Variants in GABPA observed in about 807,000 individuals in gnomAD.
GABPA encodes the protein GA-binding protein alpha chain.
GABPA carries 4 observed loss-of-function variants against 59.4 expected under a neutral mutation model. The observed-to-expected ratio is 0.07, with a 90% CI of 0.03 to 0.15. The LOEUF (loss-of-function observed/expected upper bound fraction) is 0.15. GABPA is among the 10% of genes least tolerant of loss of function. The probability of loss-of-function intolerance (pLI) is 1.00; values close to 1 mark genes in which losing one functional copy is unlikely to be tolerated. For missense variants in GABPA, 251 were observed against 543.8 expected, an observed-to-expected ratio of 0.46 and a Z score of 5.36; for synonymous variants, 164 against 183.1, an observed-to-expected ratio of 0.90 and a Z score of 0.84.
chr21:25,764,874 T>A, intron 9 of GABPA, 87 bp downstream of exon 9: 1 of 855,982 alleles, frequency 1.2e-6, no homozygotes, highest in Non-Finnish European at 1.7e-6. Context: ...TAAGCATTGT[T>A]ATGTAATGAT....
intron 5 of GABPA, among the ~76,000 whole-genome samples, chr21:25,757,767 C>T (rs1282427768): frequency 2.0e-5 from 3 of 151,096 alleles, no homozygotes; most frequent in Admixed American, 6.6e-5. Context: ...TGATACAGTT[C>T]CAGCTGAGGT....
chr21:25,737,453 A>AT (rs2123481359), intron 1 of GABPA, among the ~76,000 whole-genome samples: 1 of 152,366 alleles, frequency 6.6e-6, no homozygotes, highest in African/African-American at 2.4e-5. Context: ...TTGACAGATC[A>AT]TTTAAGAAAC....
At chr21:25,764,479 A>C in intron 8 of GABPA, 116 bp from the exon 9 acceptor site, 1 of 1,440,204 alleles carries the variant, frequency 6.9e-7, no homozygotes, top group South Asian at 1.3e-5. Context: ...ATTTCTAGAA[A>C]AACAAAAATT....
At chr21:25,763,655 C>G (rs2035818681) in intron 7 of GABPA, among the ~76,000 whole-genome samples, 1 of 152,058 alleles carries the variant, frequency 6.6e-6, no homozygotes, top group Non-Finnish European at 1.5e-5. Context: ...TATTTTATAA[C>G]TTTTTTATCA....
intron 4 of GABPA, 130 bp downstream of exon 4, chr21:25,749,250 T>A: frequency 4.8e-6 from 3 of 619,242 alleles, no homozygotes; most frequent in South Asian, 2.1e-5. Context: ...AATTCATGCT[T>A]TGGGTTTAGT....
intron 4 of GABPA, among the ~76,000 whole-genome samples, chr21:25,751,215 G>C (rs1386951608): frequency 6.6e-6 from 1 of 151,558 alleles, no homozygotes; most frequent in African/African-American, 2.4e-5. Flanking sequence ...TGTTTTTATG[G>C]CATAATTTCT....
At chr21:25,743,083 G>A (rs918867034) in intron 2 of GABPA, among the ~76,000 whole-genome samples, 5 of 152,300 alleles carry the variant, frequency 3.3e-5, no homozygotes, top group Admixed American at 6.5e-5. Flanking sequence ...GACTTGACTA[G>A]GGCTAGGGTG....
chr21:25,752,679 A>G (rs71649699), intron 5 of GABPA, among the ~76,000 whole-genome samples: 1 of 152,208 alleles, frequency 6.6e-6, no homozygotes, highest in Admixed American at 6.6e-5. Context: ...TTATGTGCAA[A>G]GCTTAGACCT....
rs543296471 is a variant in GABPA, at chr21:25,771,725, G to A, written c.*2493G>A. The A allele has an allele frequency of 6.6e-6, 1 of 152,000 alleles. No individual in the cohort carries two copies. Among genetic ancestry groups the A allele is most frequent in the South Asian group, 2.1e-4 (1 of 4,828 alleles). The allele number at this position is 152,000 out of a possible 1,614,324, so 9.4% of individuals were successfully genotyped here. On this transcript the variant is annotated 3_prime_UTR_variant, in exon 10 of 10. Coordinates refer to ENST00000400075, the MANE Select transcript of GABPA (RefSeq NM_002040.4). ...AAGATAAAATTATTGGTCATCATTT[G>A]TACCTTAGAAGTACAAGAATTTAAG...
Position 25,735,196 on chromosome 21 carries a change from A to G in GABPA, c.-409A>G. ...GCGCTCTTTGAGTGGCCTTTCCCCT[A>G]GTTCAAGCTCCCCTCCGAGTCAGCG... On this transcript the variant is annotated 5_prime_UTR_variant, in exon 1 of 10. Coordinates refer to ENST00000400075, the MANE Select transcript of GABPA (RefSeq NM_002040.4). 1 of 597,294 alleles carries G rather than the reference A, an allele frequency of 1.7e-6. No homozygotes were observed. Among genetic ancestry groups the G allele is most frequent in the Non-Finnish European group, 3.0e-6 (1 of 332,610 alleles). 37.0% of individuals were successfully genotyped at this position (597,294 alleles called of 1,614,324 possible). A position where few individuals can be genotyped will look rare whatever the true frequency, so the allele number is the denominator to read the frequency against.
At chr21:25,740,194 G>T (rs940896504) in intron 1 of GABPA, among the ~76,000 whole-genome samples, 2 of 152,228 alleles carry the variant, frequency 1.3e-5, no homozygotes, top group Non-Finnish European at 2.9e-5. Flanking sequence ...AATAGCGTTC[G>T]TATGAGATGG....
At chr21:25,741,515 G>C in intron 1 of GABPA, 58 bp from the exon 2 acceptor site, 1 of 845,352 alleles carries the variant, frequency 1.2e-6, no homozygotes, top group Non-Finnish European at 1.8e-6. Flanking sequence ...TCTACTTCTT[G>C]TGTGTCATTT....
chr21:25,763,296 A>G, intron 7 of GABPA: 1 of 362,274 alleles, frequency 2.8e-6, no homozygotes, highest in East Asian at 7.1e-5. Flanking sequence ...TTCAGCATGC[A>G]TCTTTCTTTT....
intron 1 of GABPA, among the ~76,000 whole-genome samples, chr21:25,737,061 C>T (rs534141764): frequency 9.8e-5 from 15 of 152,294 alleles, no homozygotes; most frequent in African/African-American, 3.4e-4. Context: ...GAATGTTACA[C>T]CTATCTGTAT....
At chr21:25,762,681 T>C (rs2035793685) in intron 7 of GABPA, among the ~76,000 whole-genome samples, 1 of 152,206 alleles carries the variant, frequency 6.6e-6, no homozygotes. Flanking sequence ...CTGACAGAAC[T>C]TTCATGCCTG....
chr21:25,752,330 A>G (rs2035533866), intron 5 of GABPA, 96 bp downstream of exon 5: 2 of 1,217,242 alleles, frequency 1.6e-6, no homozygotes, highest in Non-Finnish European at 2.3e-6. Context: ...TTACATGTAG[A>G]GTTATTAGGA....
At chr21:25,755,544 G>A (rs2035615946) in intron 5 of GABPA, among the ~76,000 whole-genome samples, 2 of 152,120 alleles carry the variant, frequency 1.3e-5, no homozygotes, top group Admixed American at 1.3e-4. Flanking sequence ...AGCATTTGGG[G>A]TAGGTGTGTA....
chr21:25,766,728 C>T (rs187390156), intron 9 of GABPA, among the ~76,000 whole-genome samples: 62 of 152,048 alleles, frequency 4.1e-4, no homozygotes, highest in African/African-American at 1.4e-3. Context: ...AATGGGAATG[C>T]TTCTACCCTT....
intron 9 of GABPA, among the ~76,000 whole-genome samples, chr21:25,766,153 G>C (rs2035884599): frequency 6.6e-6 from 1 of 151,950 alleles, no homozygotes; most frequent in Non-Finnish European, 1.5e-5. Context: ...AGAAATGGCA[G>C]TGGGGAGAAA....
Sources: gnomAD v4.1 joint callset for allele counts (sites outside exome capture counted in the v4.1 genomes callset) on GRCh38, gnomAD v4.1.1 for gene constraint, MANE v1.5 for transcripts, NCBI Gene and HGNC (gene_info 2026-07-23, HGNC 2026-07-21) for gene names.